PPP1R17: variants seen among roughly 807,000 people sequenced by gnomAD.
PPP1R17 encodes protein phosphatase 1 regulatory subunit 17, also known as G-substrate.
PPP1R17 carries 12 observed loss-of-function variants against 15.9 expected under a neutral mutation model. The observed-to-expected ratio is 0.75, with a 90% CI of 0.48 to 1.22. PPP1R17 has a LOEUF of 1.22. Ranked by LOEUF, PPP1R17 falls within the 50% of genes most tolerant of loss-of-function variation. PPP1R17 has a pLI of 0.00. For missense variants in PPP1R17, 211 were observed against 187.3 expected (o/e 1.13, Z -0.74); for synonymous variants, 63 against 64.5 (o/e 0.98, Z 0.11).
chr7:31,695,618 C>T lies in PPP1R17; in HGVS notation c.232C>T (p.Pro78Ser). ...GGCGCTGCACATCCCACCTTTCATA[C>T]CAGGTAATGGACAAAGTCATCTGCA... ...TPALHIPPFI[P>S]GVFSEHLIKR... The change falls in exon 3 of 5, where the codon CCA (proline) becomes TCA (serine). Residue 78 changes from proline to serine, a missense_variant. Coordinates refer to ENST00000342032, the MANE Select transcript of PPP1R17 (RefSeq NM_006658.5). 6.2e-7 allele frequency: 1 copy of T among 1,611,638 alleles called. No individual in the cohort carries two copies. Among genetic ancestry groups the T allele is most frequent in the South Asian group, 1.1e-5 (1 of 90,510 alleles).
chr7:31,692,788 T>C (rs895703524), intron 2 of PPP1R17, among the ~76,000 whole-genome samples: 3 of 152,226 alleles, frequency 2.0e-5, no homozygotes, highest in Non-Finnish European at 4.4e-5. Context: ...CCTCTTTTTC[T>C]GGGTCTGACA....
chr7:31,703,910 G>A (rs1583856266), intron 4 of PPP1R17, among the ~76,000 whole-genome samples: 1 of 152,190 alleles, frequency 6.6e-6, no homozygotes, highest in African/African-American at 2.4e-5. Context: ...GACAGACCCA[G>A]GCTTGCTCCC....
chr7:31,697,011 A>T lies in PPP1R17; in HGVS notation c.282A>T (p.Arg94Ser), dbSNP rs1196168013. ...TTAAAAGATACGATGTTCAAGAGAGACATCCAAAGGGCAAAATGATCCCTG... is the reference window on the plus strand; with the variant it reads ...TTAAAAGATACGATGTTCAAGAGAGTCATCCAAAGGGCAAAATGATCCCTG... ...HLIKRYDVQE[R>S]HPKGKMIPVL... Residue 94 changes from arginine to serine, a missense_variant, in exon 4 of 5, where the codon AGA becomes AGT. By Grantham distance (110) the Arg-to-Ser change is moderately radical. Transcript: ENST00000342032. 1 of 1,614,166 alleles carries T rather than the reference A, an allele frequency of 6.2e-7. No homozygotes were observed.
chr7:31,694,380 T>A (rs562938401), intron 2 of PPP1R17, among the ~76,000 whole-genome samples: 1 of 109,184 alleles, frequency 9.2e-6, no homozygotes, highest in East Asian at 3.2e-4. Context: ...TCTCTCTCTC[T>A]CTCTCAAACA....
rs557426911 is a variant in PPP1R17, at chr7:31,707,370, A to G, written c.*87A>G. On this transcript the variant is annotated 3_prime_UTR_variant, in exon 5 of 5. Coordinates refer to ENST00000342032, the MANE Select transcript of PPP1R17 (RefSeq NM_006658.5). Reference sequence around the variant, plus strand: ...AAAAAATAGACTTGTTTCTGCTCTCATTTTTGTCATCGTCTGACTTGAAGA... The same window carrying G: ...AAAAAATAGACTTGTTTCTGCTCTCGTTTTTGTCATCGTCTGACTTGAAGA... 1.1e-5 allele frequency: 13 copies of G among 1,151,406 alleles called. 1 individual carries two copies. In the South Asian group the frequency reaches 2.0e-4, roughly 18 times the overall value. 71.3% of individuals were successfully genotyped at this position (1,151,406 alleles called of 1,614,324 possible). A position where few individuals can be genotyped will look rare whatever the true frequency, so the allele number is the denominator to read the frequency against.
Position 31,692,549 on chromosome 7 carries a change from T to C in PPP1R17, c.82+26T>C, listed in dbSNP as rs200411802. 4.0e-5 allele frequency: 62 copies of C among 1,564,380 alleles called. No individual in the cohort carries two copies. The East Asian group carries it at 1.4e-3, about 35-fold the overall frequency. On this transcript the variant is annotated intron_variant, in intron 2 of 4. Coordinates refer to ENST00000342032, the MANE Select transcript of PPP1R17 (RefSeq NM_006658.5). ...GTAAACAAATGATCGATTGTGAATG[T>C]CAGTGGTGGAAGTCAGAGAAGAGGC...
At chr7:31,690,901 T>G (rs1380661179) in intron 1 of PPP1R17, among the ~76,000 whole-genome samples, 1 of 152,172 alleles carries the variant, frequency 6.6e-6, no homozygotes, top group East Asian at 1.9e-4. Flanking sequence ...TGGGGTAATT[T>G]TCAACATAAT....
rs1793118845 is a variant in PPP1R17 at position 31,707,425 on chromosome 7, G to A, written c.*142G>A. 3 of 640,018 alleles carry A rather than the reference G, an allele frequency of 4.7e-6. No individual in the cohort carries two copies. The highest frequency in any genetic ancestry group is 3.5e-4 in the Middle Eastern group (1 of 2,826). The allele number at this position is 640,018 out of a possible 1,614,324, so 39.6% of individuals were successfully genotyped here. A position where few individuals can be genotyped will look rare whatever the true frequency, so the allele number is the denominator to read the frequency against. On this transcript the variant is annotated 3_prime_UTR_variant, in exon 5 of 5. Transcript: ENST00000342032. ...GACACCTTCTCCCCAGGAGATGTAT[G>A]CCATCAAATTGCCAGTCACCTCTTT...
At chr7:31,687,686 A>AGGT (rs1792162212) in intron 1 of PPP1R17, among the ~76,000 whole-genome samples, 2 of 152,228 alleles carry the variant, frequency 1.3e-5, no homozygotes, top group Non-Finnish European at 2.9e-5. Context: ...AATACTGCCA[A>AGGT]TTTAGGTTTT....
chr7:31,702,012 T>C (rs1191148179), intron 4 of PPP1R17, among the ~76,000 whole-genome samples: 1 of 152,180 alleles, frequency 6.6e-6, no homozygotes, highest in African/African-American at 2.4e-5. Context: ...ATGCCTGTAA[T>C]AAAATTTTTT....
chr7:31,689,892 C>T (rs1792267291), intron 1 of PPP1R17, among the ~76,000 whole-genome samples: 1 of 152,138 alleles, frequency 6.6e-6, no homozygotes, highest in Non-Finnish European at 1.5e-5. Context: ...TCTCTCAGCC[C>T]CTTAGCAAAC....
intron 1 of PPP1R17, among the ~76,000 whole-genome samples, chr7:31,689,129 C>T (rs1792228375): frequency 6.6e-6 from 1 of 152,106 alleles, no homozygotes; most frequent in Non-Finnish European, 1.5e-5. Context: ...CGTTTGACTC[C>T]AGGCTTGTCA....
chr7:31,698,602 C>T (rs1443560624), intron 4 of PPP1R17, among the ~76,000 whole-genome samples: 1 of 152,202 alleles, frequency 6.6e-6, no homozygotes, highest in African/African-American at 2.4e-5. Flanking sequence ...AATCTTCAAA[C>T]TGTCTTCATT....
At chr7:31,700,664 G>T (rs114470005) in intron 4 of PPP1R17, among the ~76,000 whole-genome samples, 2 of 152,140 alleles carry the variant, frequency 1.3e-5, no homozygotes, top group Admixed American at 1.3e-4. Context: ...AGATGTCAAT[G>T]CCTGGCTTCA....
chr7:31,690,629 A>G (rs1287919147), intron 1 of PPP1R17, among the ~76,000 whole-genome samples: 1 of 152,234 alleles, frequency 6.6e-6, no homozygotes, highest in Non-Finnish European at 1.5e-5. Flanking sequence ...TATTTGACTC[A>G]AGAATCCAGA....
At chr7:31,689,284 A>C (rs1324101559) in intron 1 of PPP1R17, among the ~76,000 whole-genome samples, 2 of 152,212 alleles carry the variant, frequency 1.3e-5, no homozygotes, top group Admixed American at 6.5e-5. Flanking sequence ...AGTTTATGAA[A>C]ACACCCCCAA....
chr7:31,701,019 A>G (rs1382101270), intron 4 of PPP1R17, among the ~76,000 whole-genome samples: 1 of 152,204 alleles, frequency 6.6e-6, no homozygotes, highest in African/African-American at 2.4e-5. Flanking sequence ...CTAATGTAGC[A>G]TCTATTCTGG....
At position 31,707,945 on chromosome 7, in the gene PPP1R17, C is replaced by T. The variant is rs1333472104; in HGVS notation, c.*662C>T. On this transcript the variant is annotated 3_prime_UTR_variant, in exon 5 of 5. Coordinates refer to ENST00000342032, the MANE Select transcript of PPP1R17 (RefSeq NM_006658.5). ...CTGTCTGGGAAGCTTAGCAATGTAT[C>T]TTCAAATTTATTTTTGTTTTTAAAA... 6.6e-6 allele frequency: 1 copy of T among 152,156 alleles called. No homozygotes were observed. The highest frequency in any genetic ancestry group is 2.4e-5 in the African/African-American group (1 of 41,420). 9.4% of individuals were successfully genotyped at this position (152,156 alleles called of 1,614,324 possible).
intron 4 of PPP1R17, among the ~76,000 whole-genome samples, chr7:31,705,066 T>C (rs1436556702): frequency 1.3e-5 from 2 of 152,242 alleles, no homozygotes; most frequent in East Asian, 3.8e-4. Context: ...AATTCTTAAC[T>C]GTATTAATAT....
Sources: allele counts gnomAD v4.1 joint callset (sites outside exome capture counted in the v4.1 genomes callset), GRCh38; gene constraint gnomAD v4.1.1; transcripts MANE v1.5; gene names NCBI Gene and HGNC (gene_info 2026-07-23, HGNC 2026-07-21).